Variants in PPM1G observed in about 807,000 individuals in gnomAD.
The protein encoded by PPM1G is protein phosphatase, Mg2+/Mn2+ dependent 1G, also known as protein phosphatase 1G.
A neutral mutation model predicts 59.4 loss-of-function variants in PPM1G; 12 were observed. The ratio of observed to expected loss-of-function variants is 0.20; its 90% CI spans 0.13 to 0.33. The LOEUF is 0.33. Among genes scored for constraint, PPM1G ranks in the 10% least tolerant of loss-of-function variants. PPM1G has a pLI of 1.00. For synonymous variants in PPM1G, 245 were observed against 251.9 expected (o/e 0.97, Z 0.26); for missense variants, 392 against 681.3 (o/e 0.58, Z 4.73).
rs370133891 is a variant in PPM1G at position 27,387,072 on chromosome 2, T to C, written c.190+17A>G. On this transcript the variant is annotated intron_variant, in intron 2 of 9. Transcript: ENST00000344034. ...TTGGGGTCCTAGAATGTTACCAATATGATCTGTTAAAGTTACCTCCATGTC... is the reference window on the plus strand; with the variant it reads ...TTGGGGTCCTAGAATGTTACCAATACGATCTGTTAAAGTTACCTCCATGTC... 11 of 1,587,776 alleles carry C rather than the reference T, an allele frequency of 6.9e-6. No homozygotes were observed. The African/African-American group carries it at 1.5e-4, about 21-fold the overall frequency.
chr2:27,392,610 TTG>T (rs1491331150), intron 1 of PPM1G, among the ~76,000 whole-genome samples: 1 of 82,886 alleles, frequency 1.2e-5, no homozygotes, highest in African/African-American at 5.7e-5. Context: ...CATTTTTTTT[TTG>T]GGGGGGGGGA....
chr2:27,384,969 T>C lies in PPM1G; in HGVS notation c.529A>G (p.Thr177Ala). Reference protein sequence around the residue: ...GPPHSKSGGGTGEEPGSQGLN... With the variant: ...GPPHSKSGGGAGEEPGSQGLN... ...CCCTGGGACCCTGGTTCCTCGCCTG[T>C]CCCACCTCCAGATTTGCTGTGGGGA... The change falls in exon 5 of 10, where the codon ACA (threonine) becomes GCA (alanine). Residue 177 changes from threonine to alanine, a missense_variant. Thr to Ala is a moderately conservative substitution (Grantham distance 58). Transcript: ENST00000344034. This position sits in a 1 kb window ranked among gnomAD's most constrained non-coding sequence, Gnocchi z 4.8. The C allele has an allele frequency of 1.9e-6, 3 of 1,614,218 alleles. No individual in the cohort carries two copies. The highest frequency in any genetic ancestry group is 1.1e-5 in the South Asian group (1 of 91,082).
chr2:27,381,254 C>T lies in PPM1G; in HGVS notation c.*345G>A. The T allele has an allele frequency of 2.6e-6, 1 of 380,812 alleles. No individual in the cohort carries two copies. Among genetic ancestry groups the T allele is most frequent in the South Asian group, 2.9e-5 (1 of 34,102 alleles). The allele number at this position is 380,812 out of a possible 1,614,324, so 23.6% of individuals were successfully genotyped here. ...TTGATTGAAAGTGTACAACAGAGAG[C>T]GGGTGCAAGCGGCCGAGGGCCATGG... On this transcript the variant is annotated 3_prime_UTR_variant, in exon 10 of 10. Transcript: ENST00000344034.
chr2:27,392,900 T>C (rs1572664529), intron 1 of PPM1G: 4 of 1,426,372 alleles, frequency 2.8e-6, no homozygotes, highest in Non-Finnish European at 3.9e-6. Context: ...AATTCTTTGA[T>C]GGCCTTCACT....
At position 27,409,536 on chromosome 2, in the gene PPM1G, AG is replaced by A; in HGVS notation, c.-115del. 1 of 1,291,246 alleles carries A rather than the reference AG, an allele frequency of 7.7e-7. No individual in the cohort carries two copies. The highest frequency in any genetic ancestry group is 9.9e-7 in the Non-Finnish European group (1 of 1,009,644). 80.0% of individuals were successfully genotyped at this position (1,291,246 alleles called of 1,614,324 possible). On this transcript the variant is annotated 5_prime_UTR_variant, in exon 1 of 10. Coordinates refer to ENST00000344034, the MANE Select transcript of PPM1G (RefSeq NM_177983.3). ...CAGGCCCCGCGGCGCGACCGACGCA[AG>A]GTGCCGGTGAAAGGCGCGAGGCCGG...
intron 1 of PPM1G, among the ~76,000 whole-genome samples, chr2:27,394,053 C>T (rs947412517): frequency 6.6e-5 from 10 of 152,008 alleles, no homozygotes; most frequent in African/African-American, 1.2e-4. Context: ...TGAGCCACCG[C>T]GCCCGGCCTA....
chr2:27,395,255 G>GAA (rs1684022145), intron 1 of PPM1G, among the ~76,000 whole-genome samples: 2 of 138,978 alleles, frequency 1.4e-5, no homozygotes. Flanking sequence ...AAAAAAGAAA[G>GAA]AAAGAAAGAA....
At position 27,382,025 on chromosome 2, in the gene PPM1G, A is replaced by G. The variant is rs1683643960; in HGVS notation, c.1434+101T>C. On this transcript the variant is annotated intron_variant, in intron 9 of 9. Coordinates refer to ENST00000344034, the MANE Select transcript of PPM1G (RefSeq NM_177983.3). This position sits in a 1 kb window ranked among gnomAD's most constrained non-coding sequence, Gnocchi z 4.2. Reference sequence around the variant, plus strand: ...AGTCGGGGTTTAGCGTCTGTCAGCAATTACTGATAATGCTCCCAGATTGCC... The same window carrying G: ...AGTCGGGGTTTAGCGTCTGTCAGCAGTTACTGATAATGCTCCCAGATTGCC... 1 of 1,231,900 alleles carries G rather than the reference A, an allele frequency of 8.1e-7. No homozygotes were observed. The highest frequency in any genetic ancestry group is 1.5e-5 in the African/African-American group (1 of 67,262). The allele number at this position is 1,231,900 out of a possible 1,614,324, so 76.3% of individuals were successfully genotyped here.
At chr2:27,389,693 G>A (rs1008656378) in intron 1 of PPM1G, among the ~76,000 whole-genome samples, 3 of 152,112 alleles carry the variant, frequency 2.0e-5, no homozygotes, top group Admixed American at 6.5e-5. Context: ...GGCTAGGTGC[G>A]ATGGCTCACA....
Position 27,384,874 on chromosome 2 carries a change from G to C in PPM1G, c.624C>G (p.Ala208=), listed in dbSNP as rs1362783772. The change falls in exon 5 of 10, where the codon GCC becomes GCG. Residue 208 remains alanine (A), a synonymous_variant. Transcript: ENST00000344034. The surrounding 1 kb of genome is among the most constrained non-coding windows in gnomAD (Gnocchi z 4.8). ...TGGAGGAAAAGCCTGTGTAGGCCTT[G>C]GCTGTGGGGCCATTTTCTTGTGAAG... ...ETPSQENGPT[A]KAYTGFSSNS... 6.2e-7 allele frequency: 1 copy of C among 1,614,234 alleles called. No homozygotes were observed. The highest frequency in any genetic ancestry group is 1.7e-5 in the Admixed American group (1 of 60,026).
Position 27,382,262 on chromosome 2 carries a change from T to C in PPM1G, c.1332-34A>G, listed in dbSNP as rs1558315568. On this transcript the variant is annotated intron_variant, in intron 8 of 9. Coordinates refer to ENST00000344034, the MANE Select transcript of PPM1G (RefSeq NM_177983.3). This position sits in a 1 kb window ranked among gnomAD's most constrained non-coding sequence, Gnocchi z 4.2. ...AAGAACAACAGTCAGAATCTTCCAGTCTCACTAAGGCAGCGTAGAGGAGTA... is the reference window on the plus strand; with the variant it reads ...AAGAACAACAGTCAGAATCTTCCAGCCTCACTAAGGCAGCGTAGAGGAGTA... 6.2e-7 allele frequency: 1 copy of C among 1,604,148 alleles called. No homozygotes were observed. The highest frequency in any genetic ancestry group is 2.2e-5 in the East Asian group (1 of 44,840).
At chr2:27,406,340 T>C (rs1221750618) in intron 1 of PPM1G, among the ~76,000 whole-genome samples, 1 of 152,178 alleles carries the variant, frequency 6.6e-6, no homozygotes, top group African/African-American at 2.4e-5. Context: ...AGTTATTTTC[T>C]TGCAATAGCA....
At chr2:27,387,048 T>C in intron 2 of PPM1G, 41 bp downstream of exon 2, 1 of 1,497,156 alleles carries the variant, frequency 6.7e-7, no homozygotes. Context: ...CGTCTGGAAT[T>C]GGGGTCCTAG....
chr2:27,400,986 A>G (rs139405890), intron 1 of PPM1G, among the ~76,000 whole-genome samples: 2 of 152,332 alleles, frequency 1.3e-5, no homozygotes, highest in Non-Finnish European at 2.9e-5. Context: ...CTAAAAACCA[A>G]AAGTGGAGAT....
intron 1 of PPM1G, chr2:27,393,358 C>G: frequency 6.3e-7 from 1 of 1,589,786 alleles, no homozygotes; most frequent in Non-Finnish European, 8.5e-7. Context: ...GAGGTAGACG[C>G]GGTCGTCATG....
intron 1 of PPM1G, among the ~76,000 whole-genome samples, chr2:27,398,790 C>A (rs1249778695): frequency 6.6e-6 from 1 of 150,916 alleles, no homozygotes; most frequent in Non-Finnish European, 1.5e-5. Context: ...CCACTGCACT[C>A]CAGCCTGGCA....
chr2:27,387,106 A>G lies in PPM1G; in HGVS notation c.173T>C (p.Val58Ala). ...AAAGTTACCTCCATGTCCATCGTAG[A>G]CAGAAAACATGGCTGTCTCACTGTC... ...ELDSETAMFS[V>A]YDGHGGEEVA... Residue 58 changes from valine to alanine, a missense_variant, in exon 2 of 10, where the codon GTC becomes GCC. Physicochemically the swap from Val to Ala is moderately conservative, Grantham distance 64. Coordinates refer to ENST00000344034, the MANE Select transcript of PPM1G (RefSeq NM_177983.3). The G allele has an allele frequency of 6.2e-7, 1 of 1,612,776 alleles. No homozygotes were observed.
chr2:27,398,388 A>G (rs977188334), intron 1 of PPM1G, among the ~76,000 whole-genome samples: 2 of 152,272 alleles, frequency 1.3e-5, no homozygotes, highest in South Asian at 4.1e-4. Flanking sequence ...AGCTAAAACT[A>G]TAAAACTCTT....
chr2:27,403,002 C>CTA (rs1468663740), intron 1 of PPM1G, among the ~76,000 whole-genome samples: 1 of 150,708 alleles, frequency 6.6e-6, no homozygotes, highest in Non-Finnish European at 1.5e-5. Flanking sequence ...GCCCAGAAGG[C>CTA]TATGCAGTGA....
Sources: gnomAD v4.1 joint callset for allele counts (sites outside exome capture counted in the v4.1 genomes callset) on GRCh38, gnomAD v4.1.1 for gene constraint, Gnocchi (gnomAD v3.1) non-coding constraint, MANE v1.5 for transcripts, NCBI Gene and HGNC (gene_info 2026-07-23, HGNC 2026-07-21) for gene names.